Variants in CDKL1 observed in about 807,000 individuals in gnomAD.
CDKL1 encodes the protein cyclin-dependent kinase-like 1.
In CDKL1, 41 loss-of-function variants were observed where a neutral mutation model predicts 42.0. That is an observed-to-expected ratio of 0.98 (90% CI 0.76 to 1.27). The LOEUF (loss-of-function observed/expected upper bound fraction) is 1.27, where lower values mean the gene tolerates loss of function less well. Ranked by LOEUF, CDKL1 falls within the 50% of genes most tolerant of loss-of-function variation. The probability of loss-of-function intolerance (pLI) is 0.00; values close to 1 mark genes in which losing one functional copy is unlikely to be tolerated. For synonymous variants in CDKL1, 153 were observed against 158.6 expected, an observed-to-expected ratio of 0.96 and a Z score of 0.26; for missense variants, 394 against 428.4, an observed-to-expected ratio of 0.92 and a Z score of 0.71.
chr14:50,394,433 C>T (rs1382218095), intron 2 of CDKL1, among the ~76,000 whole-genome samples: 1 of 152,228 alleles, frequency 6.6e-6, no homozygotes, highest in African/African-American at 2.4e-5. Flanking sequence ...CTGTTACCCA[C>T]CCATTCCAAT....
intron 3 of CDKL1, chr14:50,358,241 G>A: frequency 1.2e-6 from 1 of 862,888 alleles, no homozygotes. Flanking sequence ...ACCTATGCTT[G>A]CTTCAGTTGG....
chr14:50,335,994 C>G (rs980178266), intron 7 of CDKL1: 13 of 1,366,808 alleles, frequency 9.5e-6, no homozygotes, highest in Non-Finnish European at 1.3e-5. Flanking sequence ...TACTTCCACT[C>G]ATGCTCCATA....
Position 50,341,194 on chromosome 14 carries a change from T to C in CDKL1, c.493A>G (p.Arg165Gly). Reference sequence around the variant, plus strand: ...AGCAGCTCAGGGGAGCGGTACCACCTGGTAGCCACGTAGTCTGTATAGTAG... The same window carrying C: ...AGCAGCTCAGGGGAGCGGTACCACCCGGTAGCCACGTAGTCTGTATAGTAG... ...SDYYTDYVAT[R>G]WYRSPELLVG... is the part of the protein sequence containing the mutation. The change falls in exon 6 of 10, where the codon AGG becomes GGG. Residue 165 changes from arginine to glycine, a missense_variant. Arg to Gly is a moderately radical substitution (Grantham distance 125, BLOSUM62 -2). Coordinates refer to ENST00000395834, the MANE Select transcript of CDKL1 (RefSeq NM_004196.7). The C allele has an allele frequency of 6.2e-7, 1 of 1,614,126 alleles. No individual in the cohort carries two copies. Among genetic ancestry groups the C allele is most frequent in the Middle Eastern group, 1.6e-4 (1 of 6,062 alleles).
Position 50,341,113 on chromosome 14 carries a change from A to G in CDKL1, c.574T>C (p.Phe192Leu), listed in dbSNP as rs769261107. 17 of 1,614,176 alleles carry G rather than the reference A, an allele frequency of 1.1e-5. No homozygotes were observed. The South Asian group carries it at 1.9e-4, about 18-fold the overall frequency. Residue 192 changes from phenylalanine (F) to leucine (L), a missense_variant, in exon 6 of 10, where the codon TTT (phenylalanine) becomes CTT (leucine). Transcript: ENST00000395834. Reference sequence around the variant, plus strand: ...GGCACTCCTGACAGCAGCTCAGCAAAGACACAGCCAATTGCCCAAACATCC... The same window carrying G: ...GGCACTCCTGACAGCAGCTCAGCAAGGACACAGCCAATTGCCCAAACATCC... ...PVDVWAIGCV[F>L]AELLSGVPLW...
At chr14:50,341,985 C>T (rs11570837) in intron 5 of CDKL1, 147 bp downstream of exon 5, 10,997 of 634,810 alleles carry the variant, frequency 0.017, 681 homozygotes, top group African/African-American at 0.15. Flanking sequence ...TACACATTTT[C>T]GGTAATTACA....
intron 5 of CDKL1, among the ~76,000 whole-genome samples, chr14:50,341,456 T>TGGGGG (rs10598932): frequency 2.8e-5 from 2 of 71,692 alleles, no homozygotes; most frequent in African/African-American, 7.4e-5. Flanking sequence ...GGGGAGGGTC[T>TGGGGG]GGGGGGGGGG....
chr14:50,367,021 AGAG>A (rs2034454500), intron 2 of CDKL1, among the ~76,000 whole-genome samples: 1 of 152,182 alleles, frequency 6.6e-6, no homozygotes, highest in African/African-American at 2.4e-5. Context: ...ATAGACAGAG[AGAG>A]GAGATTGCCC....
intron 2 of CDKL1, among the ~76,000 whole-genome samples, chr14:50,380,802 C>CTTTTTTTTTTTTTTTTT (rs1555344287): frequency 5.2e-5 from 7 of 134,624 alleles, no homozygotes; most frequent in Non-Finnish European, 8.0e-5. Flanking sequence ...CTGTGACTTC[C>CTTTTTTTTTTTTTTTTT]TTTTTTTTTT....
chr14:50,384,869 G>C (rs376745849), intron 2 of CDKL1, among the ~76,000 whole-genome samples: 4 of 151,670 alleles, frequency 2.6e-5, no homozygotes, highest in Admixed American at 2.6e-4. Context: ...CCAAGAGTTC[G>C]AAACCAGTTT....
intron 4 of CDKL1, among the ~76,000 whole-genome samples, chr14:50,344,379 C>G (rs1368368219): frequency 2.0e-5 from 3 of 152,068 alleles, no homozygotes; most frequent in Admixed American, 6.5e-5. Flanking sequence ...AGTACAAGAC[C>G]ACATAGACTC....
intron 2 of CDKL1, among the ~76,000 whole-genome samples, chr14:50,373,542 T>C (rs2034645282): frequency 6.6e-6 from 1 of 152,178 alleles, no homozygotes; most frequent in South Asian, 2.1e-4. Context: ...CTATAACTTT[T>C]TTGGGAAAGT....
chr14:50,334,591 A>C lies in CDKL1; in HGVS notation c.769T>G (p.Ser257Ala). ...EPLELKFPNI[S>A]YPALGLLKGC... ...TTTAGGAGCCCCAGGGCAGGATAAG[A>C]GATGTTTGGGAATTTTAATTCAAGT... Residue 257 changes from serine (S) to alanine (A), a missense_variant, in exon 8 of 10, where the codon TCT becomes GCT. Coordinates refer to ENST00000395834, the MANE Select transcript of CDKL1 (RefSeq NM_004196.7). 1 of 1,605,310 alleles carries C rather than the reference A, an allele frequency of 6.2e-7. No individual in the cohort carries two copies. The highest frequency in any genetic ancestry group is 2.2e-5 in the East Asian group (1 of 44,816).
chr14:50,389,258 C>G (rs1007626524), intron 2 of CDKL1, among the ~76,000 whole-genome samples: 1 of 152,026 alleles, frequency 6.6e-6, no homozygotes, highest in Non-Finnish European at 1.5e-5. Context: ...TTACTATTCA[C>G]GATGAATTAA....
At chr14:50,361,135 A>G (rs944854014) in intron 2 of CDKL1, among the ~76,000 whole-genome samples, 4 of 152,212 alleles carry the variant, frequency 2.6e-5, no homozygotes, top group Non-Finnish European at 1.5e-5. Flanking sequence ...GGTATTAATC[A>G]TAGACAAGCA....
In CDKL1 at chr14:50,359,128, C is replaced by G; in HGVS notation, c.190G>C (p.Val64Leu). ...MLKQLKHPNL[V>L]NLLEVFRRKR... is the part of the protein sequence containing the mutation. ...CTCCTGAAGACTTCCAGGAGGTTAACAAGGTTGGGATGCTTGAGTTGCTGA... is the reference window on the plus strand; with the variant it reads ...CTCCTGAAGACTTCCAGGAGGTTAAGAAGGTTGGGATGCTTGAGTTGCTGA... The change falls in exon 3 of 10, where the codon GTT (valine) becomes CTT (leucine). Residue 64 changes from valine (V) to leucine (L), a missense_variant. Transcript: ENST00000395834. 1 of 1,611,690 alleles carries G rather than the reference C, an allele frequency of 6.2e-7. No individual in the cohort carries two copies. The highest frequency in any genetic ancestry group is 1.1e-5 in the South Asian group (1 of 90,814).
chr14:50,364,371 A>G (rs1013186956), intron 2 of CDKL1, among the ~76,000 whole-genome samples: 2 of 152,190 alleles, frequency 1.3e-5, no homozygotes, highest in African/African-American at 4.8e-5. Flanking sequence ...CGGGAGACTG[A>G]GGCATGAGAA....
At chr14:50,385,269 C>T (rs1317237269) in intron 2 of CDKL1, among the ~76,000 whole-genome samples, 1 of 151,894 alleles carries the variant, frequency 6.6e-6, no homozygotes, top group African/African-American at 2.4e-5. Flanking sequence ...AATTAGGGGA[C>T]AAAAATGACA....
intron 2 of CDKL1, among the ~76,000 whole-genome samples, chr14:50,374,424 T>TA (rs1466326035): frequency 6.6e-6 from 1 of 152,180 alleles, no homozygotes; most frequent in Admixed American, 6.5e-5. Flanking sequence ...TGCAAAGTGT[T>TA]AAAAAATCAT....
chr14:50,372,081 T>A (rs1361016906), intron 2 of CDKL1, among the ~76,000 whole-genome samples: 1 of 152,118 alleles, frequency 6.6e-6, no homozygotes, highest in Non-Finnish European at 1.5e-5. Flanking sequence ...GCTGTTTGAG[T>A]GTATTATATG....
Sources: allele counts gnomAD v4.1 joint callset (sites outside exome capture counted in the v4.1 genomes callset), GRCh38; gene constraint gnomAD v4.1.1; transcripts MANE v1.5; gene names NCBI Gene and HGNC (gene_info 2026-07-23, HGNC 2026-07-21).